Variants in NPSR1 observed in about 807,000 individuals in gnomAD.
The protein encoded by NPSR1 is neuropeptide S receptor 1.
A neutral mutation model predicts 46.9 loss-of-function variants in NPSR1; 48 were observed. The observed-to-expected ratio is 1.02, with a 90% CI of 0.81 to 1.30. The LOEUF (loss-of-function observed/expected upper bound fraction) is 1.30. Among genes scored for constraint, NPSR1 ranks in the 50% most tolerant of loss-of-function variants. NPSR1 has a pLI of 0.00. For synonymous variants in NPSR1, 176 were observed against 168.1 expected (o/e 1.05, Z -0.36); for missense variants, 450 against 449.5 (o/e 1.00, Z -0.01).
intron 5 of NPSR1, among the ~76,000 whole-genome samples, chr7:34,830,326 T>C (rs2128757723): frequency 6.6e-6 from 1 of 152,324 alleles, no homozygotes; most frequent in Non-Finnish European, 1.5e-5. Flanking sequence ...CCTTCATGCA[T>C]GCTATATATG....
At chr7:34,723,260 T>C (rs1395705596) in intron 2 of NPSR1, 1 of 152,612 alleles carries the variant, frequency 6.6e-6, no homozygotes, top group African/African-American at 2.4e-5. Context: ...TCTGGGAAGA[T>C]TTCATTTGAC....
chr7:34,788,820 T>C (rs1787589021), intron 3 of NPSR1, among the ~76,000 whole-genome samples: 2 of 152,062 alleles, frequency 1.3e-5, no homozygotes, highest in African/African-American at 4.8e-5. Context: ...AATAGACACA[T>C]ATAGAACATT....
chr7:34,726,760 T>G (rs1338868225), intron 2 of NPSR1, among the ~76,000 whole-genome samples: 2 of 148,988 alleles, frequency 1.3e-5, no homozygotes, highest in African/African-American at 2.5e-5. Flanking sequence ...CTGCAAAGAC[T>G]ACATATTATG....
chr7:34,674,378 A>T (rs1792208679), intron 1 of NPSR1, among the ~76,000 whole-genome samples: 1 of 152,190 alleles, frequency 6.6e-6, no homozygotes, highest in Non-Finnish European at 1.5e-5. Context: ...TCTCTGTGTT[A>T]CACTGTGACT....
chr7:34,741,779 T>G (rs62462881), intron 2 of NPSR1, among the ~76,000 whole-genome samples: 19,090 of 152,266 alleles, frequency 0.13, 1,469 homozygotes, highest in Non-Finnish European at 0.17. Flanking sequence ...AGTATTTTCA[T>G]GGCCACCATT....
chr7:34,665,726 C>G (rs1043737575), intron 1 of NPSR1, among the ~76,000 whole-genome samples: 7 of 152,190 alleles, frequency 4.6e-5, no homozygotes, highest in African/African-American at 1.4e-4. Context: ...CACTACCCTT[C>G]TGCTCCTAAA....
intron 2 of NPSR1, chr7:34,752,072 G>T: frequency 3.3e-6 from 2 of 613,948 alleles, no homozygotes; most frequent in Non-Finnish European, 2.9e-6. Flanking sequence ...TTCTGCAACC[G>T]GTGACGGGGA....
At chr7:34,834,519 T>G in intron 6 of NPSR1, 59 bp downstream of exon 6, 1 of 1,197,354 alleles carries the variant, frequency 8.4e-7, no homozygotes, top group Non-Finnish European at 1.2e-6. Flanking sequence ...AGAGGTTTTC[T>G]TCTAGCAAAT....
In NPSR1 at chr7:34,679,740, A is replaced by G. The variant is rs1032829256; in HGVS notation, c.148-4812A>G. On this transcript the variant is annotated intron_variant, in intron 1 of 8. Transcript: ENST00000360581. The stretch of plus-strand genomic sequence containing the variant: ...ATAGACATAAAATCACAAGCCAAAT[A>G]AAAATATTTCATTAAAATGTGTAAA... 3.3e-5 allele frequency among the ~76,000 whole-genome samples: 5 copies of G among 152,278 alleles called. No homozygotes were observed. In the East Asian group the frequency reaches 9.6e-4, roughly 29 times the overall value.
chr7:34,716,497 A>G (rs1280971826), intron 2 of NPSR1, among the ~76,000 whole-genome samples: 1 of 152,130 alleles, frequency 6.6e-6, no homozygotes, highest in Non-Finnish European at 1.5e-5. Flanking sequence ...CTTGCAAGTT[A>G]ATTGCTTGAC....
intron 2 of NPSR1, among the ~76,000 whole-genome samples, chr7:34,727,878 A>G (rs1002610272): frequency 6.6e-6 from 1 of 152,172 alleles, no homozygotes; most frequent in Non-Finnish European, 1.5e-5. Context: ...TCTCCCAAAG[A>G]TCGTTATTGA....
At chr7:34,787,963 G>A (rs981755454) in intron 3 of NPSR1, among the ~76,000 whole-genome samples, 1 of 151,806 alleles carries the variant, frequency 6.6e-6, no homozygotes, top group Admixed American at 6.6e-5. Flanking sequence ...ACATAGTGCT[G>A]GAAAAATGAC....
chr7:34,794,531 G>T (rs533548054), intron 3 of NPSR1, among the ~76,000 whole-genome samples: 1 of 151,988 alleles, frequency 6.6e-6, no homozygotes, highest in Non-Finnish European at 1.5e-5. Context: ...TTGTATTAAA[G>T]GAATTAATTA....
downstream of NPSR1, among the ~76,000 whole-genome samples, chr7:34,854,369 AT>A (rs1315504379): frequency 4.6e-5 from 7 of 152,338 alleles, no homozygotes; most frequent in African/African-American, 1.7e-4. Flanking sequence ...ATCAAAGACT[AT>A]CAGACTGATT....
At chr7:34,845,902 C>A (rs1395322178) in intron 7 of NPSR1, among the ~76,000 whole-genome samples, 2 of 152,152 alleles carry the variant, frequency 1.3e-5, no homozygotes, top group East Asian at 1.9e-4. Context: ...CCCCTCCTTG[C>A]CCCTCTGGCA....
At chr7:34,702,700 G>A (rs533436965) in intron 2 of NPSR1, among the ~76,000 whole-genome samples, 3 of 152,162 alleles carry the variant, frequency 2.0e-5, no homozygotes, top group African/African-American at 7.2e-5. Flanking sequence ...CCCATTTTTA[G>A]GCTATTAGCA....
At chr7:34,875,153 G>T (rs994856998) in intron 8 of NPSR1, among the ~76,000 whole-genome samples, 1 of 152,208 alleles carries the variant, frequency 6.6e-6, no homozygotes, top group African/African-American at 2.4e-5. Context: ...ATGAATGAAT[G>T]CATGGAACTC....
chr7:34,827,332 A>G, intron 4 of NPSR1, 69 bp from the exon 5 acceptor site: 3 of 1,351,688 alleles, frequency 2.2e-6, no homozygotes, highest in South Asian at 1.2e-5. Context: ...CCTTTTCTAT[A>G]GCAGACTCCA....
intron 2 of NPSR1, among the ~76,000 whole-genome samples, chr7:34,768,105 C>G (rs1193623073): frequency 6.6e-6 from 1 of 152,068 alleles, no homozygotes; most frequent in Non-Finnish European, 1.5e-5. Flanking sequence ...CATGTAGCCC[C>G]ATGAATATGT....
Sources: allele counts gnomAD v4.1 joint callset (sites outside exome capture counted in the v4.1 genomes callset), GRCh38; gene constraint gnomAD v4.1.1; transcripts MANE v1.5; gene names NCBI Gene and HGNC (gene_info 2026-07-23, HGNC 2026-07-21).